The following KRT23 variants were observed in gnomAD, a reference collection of about 807,000 sequenced individuals.
KRT23 encodes keratin, type I cytoskeletal 23.
In KRT23, 38 loss-of-function variants were observed where a neutral mutation model predicts 47.6. The observed-to-expected ratio is 0.80, with a 90% CI of 0.62 to 1.05. The LOEUF (loss-of-function observed/expected upper bound fraction) is 1.05. Ranked by LOEUF, KRT23 falls within the 50% of genes least tolerant of loss-of-function variation. The probability of loss-of-function intolerance (pLI) is 0.00; values close to 1 mark genes in which losing one functional copy is unlikely to be tolerated. For missense variants in KRT23, 503 were observed against 529.5 expected (o/e 0.95, Z 0.49); for synonymous variants, 191 against 199.0 (o/e 0.96, Z 0.34).
chr17:40,931,418 A>G lies in KRT23; in HGVS notation c.434T>C (p.Leu145Pro). Reference sequence around the variant, plus strand: ...TGCCATCCTGGCATTGTCAATGAGAAGAATAATCTGAGCATTGGTCATCTT... The same window carrying G: ...TGCCATCCTGGCATTGTCAATGAGAGGAATAATCTGAGCATTGGTCATCTT... ...DGKMTNAQII[L>P]LIDNARMAVD... The change falls in exon 3 of 9, where the codon CTT (leucine) becomes CCT (proline). Residue 145 changes from leucine (L) to proline (P), a missense_variant. Leu to Pro is a moderately conservative substitution (Grantham distance 98). Coordinates refer to ENST00000209718, the MANE Select transcript of KRT23 (RefSeq NM_015515.5). 6.2e-7 allele frequency: 1 copy of G among 1,613,912 alleles called. No individual in the cohort carries two copies. Among genetic ancestry groups the G allele is most frequent in the Non-Finnish European group, 8.5e-7 (1 of 1,179,742 alleles).
At chr17:40,929,027 CAA>C (rs3067615) in intron 4 of KRT23, among the ~76,000 whole-genome samples, 14 of 64,272 alleles carry the variant, frequency 2.2e-4, no homozygotes, top group Admixed American at 4.1e-4. Context: ...ACCCTGTCTC[CAA>C]AAAAAAAAAA....
intron 2 of KRT23, among the ~76,000 whole-genome samples, chr17:40,931,979 A>G (rs890615273): frequency 6.6e-6 from 1 of 152,248 alleles, no homozygotes; most frequent in Non-Finnish European, 1.5e-5. Flanking sequence ...TCAGGTGAAC[A>G]TAATTCTTAC....
chr17:40,936,168 G>A, intron 2 of KRT23, 40 bp downstream of exon 2: 1 of 1,610,826 alleles, frequency 6.2e-7, no homozygotes, highest in Non-Finnish European at 8.5e-7. Context: ...CCCTGGCAAA[G>A]CAGCCCCATC....
chr17:40,930,102 G>A lies in KRT23; in HGVS notation c.480-6C>T, dbSNP rs185250339. ...AGGAGTGTTCATTTTCATACCTTTG[G>A]TGAGAAGGAAGAGAAGAGTGCACTC... On this transcript the variant is annotated splice_region_variant and splice_polypyrimidine_tract_variant and intron_variant, in intron 3 of 8. Coordinates refer to ENST00000209718, the MANE Select transcript of KRT23 (RefSeq NM_015515.5). 36 of 1,613,498 alleles carry A rather than the reference G, an allele frequency of 2.2e-5. No individual in the cohort carries two copies. The Admixed American group carries it at 2.3e-4, about 10-fold the overall frequency.
At chr17:40,932,965 A>G (rs1019403812) in intron 2 of KRT23, among the ~76,000 whole-genome samples, 6 of 152,224 alleles carry the variant, frequency 3.9e-5, no homozygotes, top group African/African-American at 1.4e-4. Flanking sequence ...AAATAGCAAT[A>G]ACAATAGTTA....
At chr17:40,930,553 C>T (rs948237821) in intron 3 of KRT23, among the ~76,000 whole-genome samples, 1 of 152,014 alleles carries the variant, frequency 6.6e-6, no homozygotes, top group Non-Finnish European at 1.5e-5. Flanking sequence ...ATCACGAGGC[C>T]AAGAGATTGA....
At chr17:40,926,480 T>G (rs375789432) in intron 6 of KRT23, among the ~76,000 whole-genome samples, 4 of 152,190 alleles carry the variant, frequency 2.6e-5, no homozygotes, top group Non-Finnish European at 5.9e-5. Flanking sequence ...GTTGATGAAA[T>G]GAAAGCAATC....
At position 40,923,036 on chromosome 17, in the gene KRT23, C is replaced by T. The variant is rs751418799; in HGVS notation, c.1222G>A (p.Gly408Arg). Residue 408 changes from glycine (G) to arginine (R), a missense_variant, in exon 9 of 9, where the codon GGA (glycine) becomes AGA (arginine). Gly to Arg is a moderately radical substitution (Grantham distance 125, BLOSUM62 -2). Coordinates refer to ENST00000209718, the MANE Select transcript of KRT23 (RefSeq NM_015515.5). ...TTCACTTGACAAAGAACTAATCTTCCGTTGATGGTCTCCTGGGTTATGGCC... is the reference window on the plus strand; with the variant it reads ...TTCACTTGACAAAGAACTAATCTTCTGTTGATGGTCTCCTGGGTTATGGCC... ...IKAITQETIN[G>R]RLVLCQVNEI... 56 of 1,613,944 alleles carry T rather than the reference C, an allele frequency of 3.5e-5. No homozygotes were observed. The East Asian group carries it at 6.5e-4, about 19-fold the overall frequency.
chr17:40,929,376 G>T (rs900177344), intron 4 of KRT23, among the ~76,000 whole-genome samples: 1 of 152,256 alleles, frequency 6.6e-6, no homozygotes, highest in African/African-American at 2.4e-5. Flanking sequence ...AACAATCATT[G>T]TCTAACCAGC....
chr17:40,934,239 G>A (rs1316985031), intron 2 of KRT23, among the ~76,000 whole-genome samples: 1 of 152,184 alleles, frequency 6.6e-6, no homozygotes, highest in Non-Finnish European at 1.5e-5. Flanking sequence ...ATCTTCAAAT[G>A]AGGGAGGTTG....
intron 4 of KRT23, among the ~76,000 whole-genome samples, chr17:40,929,371 T>C (rs1909482870): frequency 6.6e-6 from 1 of 152,262 alleles, no homozygotes; most frequent in Admixed American, 6.5e-5. Context: ...TAATTAACAA[T>C]CATTGTCTAA....
chr17:40,931,758 G>T (rs1185204997), intron 2 of KRT23, among the ~76,000 whole-genome samples: 1 of 152,144 alleles, frequency 6.6e-6, no homozygotes, highest in Non-Finnish European at 1.5e-5. Flanking sequence ...GATATAGGAA[G>T]GGGAAGGACA....
intron 6 of KRT23, among the ~76,000 whole-genome samples, chr17:40,927,879 A>G (rs1909329879): frequency 6.6e-6 from 1 of 152,022 alleles, no homozygotes; most frequent in Admixed American, 6.6e-5. Flanking sequence ...CCTCCAAATA[A>G]ATCATATGGT....
At chr17:40,930,933 G>A (rs1011106525) in intron 3 of KRT23, among the ~76,000 whole-genome samples, 13 of 151,184 alleles carry the variant, frequency 8.6e-5, no homozygotes, top group Non-Finnish European at 1.5e-4. Flanking sequence ...GTTCATTCAA[G>A]TAACACACAG....
At chr17:40,933,686 T>C (rs767298029) in intron 2 of KRT23, among the ~76,000 whole-genome samples, 38 of 152,240 alleles carry the variant, frequency 2.5e-4, no homozygotes, top group Non-Finnish European at 4.0e-4. Flanking sequence ...GTGCTTGATA[T>C]AGAGCACGTT....
chr17:40,929,461 T>C (rs1026290672), intron 4 of KRT23, among the ~76,000 whole-genome samples: 2 of 152,242 alleles, frequency 1.3e-5, no homozygotes, highest in African/African-American at 4.8e-5. Context: ...TTCTATCATT[T>C]TATCAGAGTC....
rs750511711 is a variant in KRT23 at position 40,936,478 on chromosome 17, G to A, written c.126C>T (p.Arg42=). Residue 42 remains arginine (R), a synonymous_variant, in exon 2 of 9, where the codon CGC becomes CGT. Coordinates refer to ENST00000209718, the MANE Select transcript of KRT23 (RefSeq NM_015515.5). ...PTVHGGAGGA[R]ISLSFTTRSC... The stretch of plus-strand genomic sequence containing the variant: ...TCCGCGTGGTGAAGGACAGGGAGAT[G>A]CGGGCTCCCCCCGCACCGCCATGGA... 1.1e-5 allele frequency: 18 copies of A among 1,577,866 alleles called. No individual in the cohort carries two copies. In the South Asian group the frequency reaches 1.4e-4, roughly 12 times the overall value.
intron 6 of KRT23, among the ~76,000 whole-genome samples, chr17:40,926,280 T>C (rs889437313): frequency 6.6e-6 from 1 of 152,158 alleles, no homozygotes; most frequent in Non-Finnish European, 1.5e-5. Context: ...TTAAAGAGAA[T>C]CTCCTAACTG....
intron 2 of KRT23, among the ~76,000 whole-genome samples, chr17:40,932,486 T>TA (rs1909768319): frequency 6.6e-6 from 1 of 152,182 alleles, no homozygotes. Flanking sequence ...ACTAGAAACT[T>TA]AGAGCTTTTC....
Sources: gnomAD v4.1 joint callset for allele counts (sites outside exome capture counted in the v4.1 genomes callset) on GRCh38, gnomAD v4.1.1 for gene constraint, MANE v1.5 for transcripts, NCBI Gene and HGNC (gene_info 2026-07-23, HGNC 2026-07-21) for gene names.